The following RAPGEF4 variants were observed in gnomAD, a reference collection of about 807,000 sequenced individuals.
RAPGEF4 encodes the protein Rap guanine nucleotide exchange factor 4.
RAPGEF4 carries 66 observed loss-of-function variants against 147.9 expected under a neutral mutation model. The ratio of observed to expected loss-of-function variants is 0.45; its 90% CI spans 0.37 to 0.55. RAPGEF4 has a LOEUF of 0.55. Among genes scored for constraint, RAPGEF4 ranks in the 20% least tolerant of loss-of-function variants. RAPGEF4 has a pLI of 0.00. For synonymous variants in RAPGEF4, 419 were observed against 442.7 expected (o/e 0.95, Z 0.67); for missense variants, 1,071 against 1,257.3 (o/e 0.85, Z 2.24).
chr2:172,835,897 T>A lies in RAPGEF4; in HGVS notation c.444+21472T>A, dbSNP rs539947601. Reference sequence around the variant, plus strand: ...CTAAGACTAGCGAGCATTCCATTCCTCTAAGGCTTCTAAATTAGAATGTGG... The same window carrying A: ...CTAAGACTAGCGAGCATTCCATTCCACTAAGGCTTCTAAATTAGAATGTGG... On this transcript the variant is annotated intron_variant, in intron 4 of 30. Coordinates refer to ENST00000397081, the MANE Select transcript of RAPGEF4 (RefSeq NM_007023.4). Among the ~76,000 whole-genome samples the A allele has an allele frequency of 5.3e-5, 8 of 152,286 alleles. 1 individual carries two copies. In the South Asian group the frequency reaches 1.7e-3, roughly 32 times the overall value.
chr2:172,995,082 G>T (rs550376799), intron 15 of RAPGEF4, among the ~76,000 whole-genome samples: 1 of 149,550 alleles, frequency 6.7e-6, no homozygotes, highest in African/African-American at 2.4e-5. Context: ...CACTCCCTCA[G>T]GCCATGGGTT....
At chr2:172,909,174 G>C (rs1159441239) in intron 4 of RAPGEF4, among the ~76,000 whole-genome samples, 1 of 152,084 alleles carries the variant, frequency 6.6e-6, no homozygotes, top group Non-Finnish European at 1.5e-5. Context: ...CTCTCGGAAG[G>C]GCCTTGTAGA....
chr2:172,814,476 G>A (rs746561476), intron 4 of RAPGEF4, 51 bp downstream of exon 4: 1 of 1,583,478 alleles, frequency 6.3e-7, no homozygotes, highest in Non-Finnish European at 8.7e-7. Context: ...AAAAGAAAGG[G>A]AGCTGCCACA....
chr2:173,014,699 A>G (rs972665613), intron 18 of RAPGEF4, 85 bp downstream of exon 18: 1 of 1,286,046 alleles, frequency 7.8e-7, no homozygotes, highest in African/African-American at 1.5e-5. Flanking sequence ...TTCCCTGGAG[A>G]GACCGTAATT....
intron 29 of RAPGEF4, chr2:173,048,329 A>G: frequency 1.3e-5 from 7 of 540,422 alleles, no homozygotes; most frequent in Non-Finnish European, 1.7e-5. Context: ...CAGGCATGAT[A>G]GATGTTTTTT....
At chr2:172,893,920 A>G (rs140557371) in intron 4 of RAPGEF4, 5 of 152,686 alleles carry the variant, frequency 3.3e-5, no homozygotes, top group East Asian at 1.9e-4. Context: ...ATTGATGTTT[A>G]CAATGCCACA....
At chr2:173,013,055 T>A (rs1695174985) in intron 17 of RAPGEF4, among the ~76,000 whole-genome samples, 1 of 152,274 alleles carries the variant, frequency 6.6e-6, no homozygotes, top group Non-Finnish European at 1.5e-5. Flanking sequence ...TTCTTTTTTA[T>A]GAATCTCGTG....
At chr2:172,891,888 C>A (rs1209243877) in intron 4 of RAPGEF4, among the ~76,000 whole-genome samples, 1 of 152,206 alleles carries the variant, frequency 6.6e-6, no homozygotes, top group East Asian at 1.9e-4. Context: ...TATAGGAATT[C>A]TTTTCCATTA....
intron 4 of RAPGEF4, among the ~76,000 whole-genome samples, chr2:172,823,748 T>G (rs1689359085): frequency 6.6e-6 from 1 of 152,188 alleles, no homozygotes; most frequent in Admixed American, 6.5e-5. Flanking sequence ...CCCTGTTTGA[T>G]CTCACTGACC....
chr2:172,774,991 G>T (rs923343555), intron 1 of RAPGEF4, among the ~76,000 whole-genome samples: 45 of 152,292 alleles, frequency 3.0e-4, no homozygotes, highest in African/African-American at 1.0e-3. Context: ...CTTGGGACTG[G>T]GATAAGTGTG....
chr2:173,047,237 T>C (rs982443757), intron 29 of RAPGEF4, among the ~76,000 whole-genome samples: 1 of 152,316 alleles, frequency 6.6e-6, no homozygotes, highest in South Asian at 2.1e-4. Flanking sequence ...ATCAGTGTTT[T>C]TCCCCAGGGG....
chr2:172,788,285 A>G (rs1322421145), intron 1 of RAPGEF4, among the ~76,000 whole-genome samples: 23 of 152,238 alleles, frequency 1.5e-4, no homozygotes, highest in Non-Finnish European at 2.5e-4. Context: ...AAAAATTTAC[A>G]TGCATGAAAC....
chr2:172,841,639 A>C (rs757552047), intron 4 of RAPGEF4, among the ~76,000 whole-genome samples: 2 of 152,198 alleles, frequency 1.3e-5, no homozygotes, highest in Non-Finnish European at 2.9e-5. Flanking sequence ...GCCTATTTCT[A>C]AATACTCCTA....
rs1171812293 is a variant in RAPGEF4 at position 173,027,396 on chromosome 2, CAA to C, written c.2558+139_2558+140del. ...CCAAACACAGGGTCTTAGGAATAAC[CAA>C]ACTCTTGTAATGGATCTCTCCTATA... On this transcript the variant is annotated intron_variant, in intron 25 of 30. Coordinates refer to ENST00000397081, the MANE Select transcript of RAPGEF4 (RefSeq NM_007023.4). 8 of 610,468 alleles carry C rather than the reference CAA, an allele frequency of 1.3e-5. No individual in the cohort carries two copies. In the South Asian group the frequency reaches 2.0e-4, roughly 15 times the overall value. 37.8% of individuals were successfully genotyped at this position (610,468 alleles called of 1,614,324 possible).
At chr2:172,981,349 T>C (rs1381943134) in intron 10 of RAPGEF4, among the ~76,000 whole-genome samples, 1 of 152,260 alleles carries the variant, frequency 6.6e-6, no homozygotes, top group East Asian at 1.9e-4. Context: ...GGTGACTCGA[T>C]TGACTTTTAA....
rs187054644 is a variant in RAPGEF4 at position 172,822,214 on chromosome 2, T to G, written c.444+7789T>G. On this transcript the variant is annotated intron_variant, in intron 4 of 30. Coordinates refer to ENST00000397081, the MANE Select transcript of RAPGEF4 (RefSeq NM_007023.4). Reference sequence around the variant, plus strand: ...TTTCTGCTAGTGAAGCATGTTTATTTAGCCTGATGATCTTAAATATGTTTC... The same window carrying G: ...TTTCTGCTAGTGAAGCATGTTTATTGAGCCTGATGATCTTAAATATGTTTC... 2.6e-5 allele frequency among the ~76,000 whole-genome samples: 4 copies of G among 152,340 alleles called. No individual in the cohort carries two copies. In the East Asian group the frequency reaches 7.7e-4, roughly 29 times the overall value.
At chr2:172,955,188 C>T (rs939535348) in intron 6 of RAPGEF4, among the ~76,000 whole-genome samples, 5 of 152,268 alleles carry the variant, frequency 3.3e-5, no homozygotes, top group Non-Finnish European at 5.9e-5. Context: ...TATGGTCTTT[C>T]GTGAGGCCTA....
intron 6 of RAPGEF4, among the ~76,000 whole-genome samples, chr2:172,938,974 T>C (rs1267875059): frequency 2.0e-5 from 3 of 152,262 alleles, no homozygotes; most frequent in African/African-American, 7.2e-5. Context: ...TAAGATTCAA[T>C]GTCCTTGCAT....
intron 3 of RAPGEF4, among the ~76,000 whole-genome samples, chr2:172,800,570 TAGAG>T (rs977161321): frequency 2.0e-5 from 3 of 151,168 alleles, no homozygotes; most frequent in African/African-American, 7.3e-5. Context: ...GAGATAGAGA[TAGAG>T]AGAGAGAGAG....
Sources: allele counts gnomAD v4.1 joint callset (sites outside exome capture counted in the v4.1 genomes callset), GRCh38; gene constraint gnomAD v4.1.1; transcripts MANE v1.5; gene names NCBI Gene and HGNC (gene_info 2026-07-23, HGNC 2026-07-21).